PRDM16: variants seen among roughly 807,000 people sequenced by gnomAD.
The protein encoded by PRDM16 is PR/SET domain 16, also known as histone-lysine N-methyltransferase PRDM16.
PRDM16 carries 23 observed loss-of-function variants against 110.6 expected under a neutral mutation model. The ratio of observed to expected loss-of-function variants is 0.21; its 90% confidence interval spans 0.15 to 0.29. The LOEUF is 0.29. PRDM16 is among the 10% of genes least tolerant of loss of function. The pLI is 1.00. For missense variants in PRDM16, 1,615 were observed against 1,794.3 expected (o/e 0.90, Z 1.81); for synonymous variants, 799 against 781.8 (o/e 1.02, Z -0.37).
At chr1:3,378,624 C>T (rs1455414359) in intron 3 of PRDM16, among the ~76,000 whole-genome samples, 1 of 152,110 alleles carries the variant, frequency 6.6e-6, no homozygotes, top group Non-Finnish European at 1.5e-5. Context: ...CGGCGATGAG[C>T]GAGGGGCCTC....
chr1:3,083,380 T>C (rs566026624), intron 1 of PRDM16, among the ~76,000 whole-genome samples: 1 of 152,360 alleles, frequency 6.6e-6, no homozygotes, highest in East Asian at 1.9e-4. Context: ...GGCCTGGCGC[T>C]GGCGGGGCCT....
In PRDM16 at chr1:3,244,500, C is replaced by T. The variant is rs772879164; in HGVS notation, c.438+363C>T. ...TATTTAACTGTCTTTGCTGGATACT[C>T]TCATGAAAAGAATATGGGGAAGAAT... On this transcript the variant is annotated intron_variant, in intron 3 of 16. Transcript: ENST00000270722. This position sits in a 1 kb window ranked among gnomAD's most constrained non-coding sequence, Gnocchi z 4.1. Among the ~76,000 whole-genome samples, 3 of 152,146 alleles carry T rather than the reference C, an allele frequency of 2.0e-5. No individual in the cohort carries two copies. The highest frequency in any genetic ancestry group is 4.8e-5 in the African/African-American group (2 of 41,432).
At chr1:3,380,486 GACCCC>G (rs1643083267) in intron 3 of PRDM16, among the ~76,000 whole-genome samples, 1 of 152,140 alleles carries the variant, frequency 6.6e-6, no homozygotes, top group Non-Finnish European at 1.5e-5. Flanking sequence ...CCAGAGAGGG[GACCCC>G]ACCCGCAGGG....
intron 3 of PRDM16, among the ~76,000 whole-genome samples, chr1:3,343,568 A>G (rs1012610587): frequency 6.6e-6 from 1 of 150,730 alleles, no homozygotes; most frequent in Non-Finnish European, 1.5e-5. Flanking sequence ...CCAGTTACAT[A>G]TGTATCAGAT....
intron 3 of PRDM16, among the ~76,000 whole-genome samples, chr1:3,360,228 C>T (rs534381599): frequency 3.4e-4 from 52 of 152,308 alleles, no homozygotes; most frequent in Non-Finnish European, 4.4e-5. Context: ...AGGGCGCTTG[C>T]GGGCCAGAGC....
intron 3 of PRDM16, chr1:3,308,482 A>G (rs1278484810): frequency 1.3e-5 from 2 of 152,038 alleles, no homozygotes; most frequent in African/African-American, 4.8e-5. Flanking sequence ...TTCCCCTAGG[A>G]GGTCAGGAAC....
chr1:3,198,691 G>A (rs113019790), intron 2 of PRDM16, among the ~76,000 whole-genome samples: 39 of 152,330 alleles, frequency 2.6e-4, no homozygotes, highest in East Asian at 7.7e-4. Flanking sequence ...CTCCGGTCCC[G>A]GCTGCGCCTC....
chr1:3,131,092 G>A (rs1283924575), intron 1 of PRDM16, among the ~76,000 whole-genome samples: 1 of 152,172 alleles, frequency 6.6e-6, no homozygotes, highest in Non-Finnish European at 1.5e-5. Flanking sequence ...GTGTGTGGCT[G>A]GCTCTGCCCT....
At chr1:3,078,106 C>T (rs1260518725) in intron 1 of PRDM16, among the ~76,000 whole-genome samples, 1 of 152,146 alleles carries the variant, frequency 6.6e-6, no homozygotes, top group Non-Finnish European at 1.5e-5. Flanking sequence ...CAGAGGCCTC[C>T]TAGTTCTTGC....
chr1:3,216,981 A>C (rs931930645), intron 2 of PRDM16, among the ~76,000 whole-genome samples: 2 of 152,218 alleles, frequency 1.3e-5, no homozygotes, highest in African/African-American at 4.8e-5. Context: ...TTCCTCTGTG[A>C]ATTAACTCGT....
At chr1:3,328,396 C>T (rs1641968364) in intron 3 of PRDM16, among the ~76,000 whole-genome samples, 1 of 152,174 alleles carries the variant, frequency 6.6e-6, no homozygotes, top group Non-Finnish European at 1.5e-5. Flanking sequence ...GGGCCAGGGG[C>T]TTTGATGACA....
At chr1:3,169,460 C>T (rs1028182106) in intron 1 of PRDM16, among the ~76,000 whole-genome samples, 1 of 151,992 alleles carries the variant, frequency 6.6e-6, no homozygotes, top group Non-Finnish European at 1.5e-5. Flanking sequence ...GGCTTGTTGG[C>T]CTGGGGTTTG....
rs1638915740 is a variant in PRDM16 at position 3,436,579 on chromosome 1, C to G, written c.*2768C>G. 1 of 232,204 alleles carries G rather than the reference C, an allele frequency of 4.3e-6. No homozygotes were observed. Among genetic ancestry groups the G allele is most frequent in the Non-Finnish European group, 8.5e-6 (1 of 117,394 alleles). The allele number at this position is 232,204 out of a possible 1,614,324, so 14.4% of individuals were successfully genotyped here. ...CACTTATTTCCTGGGCTGGTGCGCC[C>G]CAAAACACGGCCCCGACACTTAGTG... On this transcript the variant is annotated 3_prime_UTR_variant, in exon 17 of 17. Transcript: ENST00000270722.
chr1:3,384,569 C>T (rs755506578), intron 3 of PRDM16, among the ~76,000 whole-genome samples: 6 of 152,208 alleles, frequency 3.9e-5, no homozygotes, highest in South Asian at 2.1e-4. Context: ...AGTTGGTTCG[C>T]GTGTGACTTT....
In PRDM16 at chr1:3,434,200, AAG is replaced by A. The variant is rs1638849360; in HGVS notation, c.*397_*398del. 3.9e-6 allele frequency: 1 copy of A among 254,604 alleles called. No homozygotes were observed. The highest frequency in any genetic ancestry group is 5.8e-5 in the East Asian group (1 of 17,200). 15.8% of individuals were successfully genotyped at this position (254,604 alleles called of 1,614,324 possible). On this transcript the variant is annotated 3_prime_UTR_variant, in exon 17 of 17. Coordinates refer to ENST00000270722, the MANE Select transcript of PRDM16 (RefSeq NM_022114.4). The stretch of plus-strand genomic sequence containing the variant: ...GGAATGGATAGACTGGTGTGCTCAA[AAG>A]AGAGAGATCACTCAAATGATTTTTA...
rs570436236 is a variant in PRDM16, at chr1:3,106,709, G to T, written c.37+37413G>T. On this transcript the variant is annotated intron_variant, in intron 1 of 16. Transcript: ENST00000270722. Reference sequence around the variant, plus strand: ...GCACCTGGGCCAGTGGAGGCATTTGGCCAGGCCAGCATGGGGGGGAGCAGC... The same window carrying T: ...GCACCTGGGCCAGTGGAGGCATTTGTCCAGGCCAGCATGGGGGGGAGCAGC... Among the ~76,000 whole-genome samples, 108 of 152,296 alleles carry T rather than the reference G, an allele frequency of 7.1e-4. 1 individual carries two copies. The highest frequency in any genetic ancestry group is 2.4e-3 in the African/African-American group (100 of 41,552).
At chr1:3,385,692 T>G (rs571749641) in intron 4 of PRDM16, among the ~76,000 whole-genome samples, 9 of 152,324 alleles carry the variant, frequency 5.9e-5, no homozygotes, top group African/African-American at 1.9e-4. Context: ...TGGCGCTGTT[T>G]CACCAAATTT....
intron 3 of PRDM16, among the ~76,000 whole-genome samples, chr1:3,278,169 C>G (rs756036517): frequency 6.6e-6 from 1 of 152,230 alleles, no homozygotes; most frequent in African/African-American, 2.4e-5. Flanking sequence ...CCTGGCCTTA[C>G]CGTCCTCGCC....
chr1:3,161,953 C>T (rs955261880), intron 1 of PRDM16, among the ~76,000 whole-genome samples: 1 of 152,066 alleles, frequency 6.6e-6, no homozygotes, highest in Non-Finnish European at 1.5e-5. Context: ...TGCTCGTGTT[C>T]GGGCAGCGCT....
Sources: allele counts gnomAD v4.1 joint callset (sites outside exome capture counted in the v4.1 genomes callset), GRCh38; gene constraint gnomAD v4.1.1; non-coding constraint Gnocchi (gnomAD v3.1); transcripts MANE v1.5; gene names NCBI Gene and HGNC (gene_info 2026-07-23, HGNC 2026-07-21).